The following HSBP1L1 variants were observed in gnomAD, a reference collection of about 807,000 sequenced individuals.
The protein encoded by HSBP1L1 is heat shock factor-binding protein 1-like protein 1.
A neutral mutation model predicts 9.7 loss-of-function variants in HSBP1L1; 8 were observed. The ratio of observed to expected loss-of-function variants is 0.82; its 90% CI spans 0.48 to 1.48. The LOEUF (loss-of-function observed/expected upper bound fraction) is 1.48, where lower values mean the gene tolerates loss of function less well. Among genes scored for constraint, HSBP1L1 ranks in the 40% most tolerant of loss-of-function variants. The pLI is 0.00. For synonymous variants in HSBP1L1, 39 were observed against 34.4 expected (o/e 1.13, Z -0.46); for missense variants, 106 against 95.8 (o/e 1.11, Z -0.44).
chr18:79,970,096 G>A lies in HSBP1L1; in HGVS notation c.214-344G>A, dbSNP rs2051287218. 2.5e-5 allele frequency: 6 copies of A among 239,798 alleles called. No homozygotes were observed. In the South Asian group the frequency reaches 4.1e-4, roughly 17 times the overall value. 14.9% of individuals were successfully genotyped at this position (239,798 alleles called of 1,614,324 possible). On this transcript the variant is annotated intron_variant, in intron 3 of 3. Coordinates refer to ENST00000451882, the MANE Select transcript of HSBP1L1 (RefSeq NM_001136180.2). ...ATTAAAGCACCACAGTGCCACAGAC[G>A]AGGCAAGGCTTGGCAGCCATGCAGG...
intron 2 of HSBP1L1, chr18:79,967,016 CG>C (rs954015106): frequency 5.5e-6 from 1 of 180,216 alleles, no homozygotes; most frequent in African/African-American, 2.4e-5. Flanking sequence ...GGCATGGTGG[CG>C]GGCGCCTGTA....
rs1222017767 is a variant in HSBP1L1, at chr18:79,970,587, C to G, written c.*136C>G. 2.0e-6 allele frequency: 1 copy of G among 511,338 alleles called. No individual in the cohort carries two copies. The highest frequency in any genetic ancestry group is 1.8e-5 in the South Asian group (1 of 55,480). The allele number at this position is 511,338 out of a possible 1,614,324, so 31.7% of individuals were successfully genotyped here. A position where few individuals can be genotyped will look rare whatever the true frequency, so the allele number is the denominator to read the frequency against. ...GCAAGGGGCTCGCCTGCTCTCCCCT[C>G]CGTGCCTGCACCAGAGAAGGAGGCC... On this transcript the variant is annotated 3_prime_UTR_variant, in exon 4 of 4. Coordinates refer to ENST00000451882, the MANE Select transcript of HSBP1L1 (RefSeq NM_001136180.2).
At position 79,965,441 on chromosome 18, in the gene HSBP1L1, G is replaced by C. The variant is rs559529451; in HGVS notation, c.51+655G>C. Among the ~76,000 whole-genome samples the C allele has an allele frequency of 2.0e-5, 3 of 152,272 alleles. No individual in the cohort carries two copies. In the South Asian group the frequency reaches 6.2e-4, roughly 32 times the overall value. ...ATTCTAGATTCACACCATGGTACGTGGGGCTCCCTGGGATCTTGAACCCCC... is the reference window on the plus strand; with the variant it reads ...ATTCTAGATTCACACCATGGTACGTCGGGCTCCCTGGGATCTTGAACCCCC... On this transcript the variant is annotated intron_variant, in intron 1 of 3. Transcript: ENST00000451882.
chr18:79,964,758 C>T lies in HSBP1L1; in HGVS notation c.23C>T (p.Ala8Val). 2 of 1,412,744 alleles carry T rather than the reference C, an allele frequency of 1.4e-6. No individual in the cohort carries two copies. Among genetic ancestry groups the T allele is most frequent in the Non-Finnish European group, 1.8e-6 (2 of 1,084,562 alleles). The allele number at this position is 1,412,744 out of a possible 1,614,324, so 87.5% of individuals were successfully genotyped here. The change falls in exon 1 of 4, where the codon GCC (alanine) becomes GTC (valine). Residue 8 changes from alanine to valine, a missense_variant. Coordinates refer to ENST00000451882, the MANE Select transcript of HSBP1L1 (RefSeq NM_001136180.2). MDVRGPE[A>V]PGGRALRDAA... ...CACATGGACGTGCGGGGCCCTGAAG[C>T]CCCCGGCGGGCGCGCGCTGCGGGAC...
At chr18:79,964,821 TGGGGGCGCCCCTGCGGTTCTG>T in intron 1 of HSBP1L1, 35 bp downstream of exon 1, 1 of 820,254 alleles carries the variant, frequency 1.2e-6, no homozygotes, top group Non-Finnish European at 1.5e-6. Flanking sequence ...TCTCTCTGGA[TGGGGGCGCCCCTGCGGTTCTG>T]GGGGGTTTTG....
rs1197912444 is a variant in HSBP1L1, at chr18:79,966,596, C to G, written c.52-16C>G. 7.2e-6 allele frequency: 11 copies of G among 1,532,524 alleles called. No individual in the cohort carries two copies. Among genetic ancestry groups the G allele is most frequent in the Non-Finnish European group, 7.1e-6 (8 of 1,131,366 alleles). 94.9% of individuals were successfully genotyped at this position (1,532,524 alleles called of 1,614,324 possible). A position where few individuals can be genotyped will look rare whatever the true frequency, so the allele number is the denominator to read the frequency against. Reference sequence around the variant, plus strand: ...AGTAAATATTTATTCAATTGTCTTACGGTTTATTTTTTCAGGCAGAAAATC... The same window carrying G: ...AGTAAATATTTATTCAATTGTCTTAGGGTTTATTTTTTCAGGCAGAAAATC... On this transcript the variant is annotated splice_polypyrimidine_tract_variant and intron_variant, in intron 1 of 3. Transcript: ENST00000451882.
At chr18:79,969,503 C>T (rs1373507094) in intron 3 of HSBP1L1, among the ~76,000 whole-genome samples, 1 of 152,110 alleles carries the variant, frequency 6.6e-6, no homozygotes, top group South Asian at 2.1e-4. Context: ...GCTGGTGAGC[C>T]GTGAATTCAC....
Position 79,969,095 on chromosome 18 carries a change from G to A in HSBP1L1, c.213+912G>A, listed in dbSNP as rs531719404. 2.2e-3 allele frequency among the ~76,000 whole-genome samples: 336 copies of A among 150,310 alleles called. 2 individuals are homozygous for A. Among genetic ancestry groups the A allele is most frequent in the Non-Finnish European group, 4.0e-3 (270 of 67,608 alleles). On this transcript the variant is annotated intron_variant, in intron 3 of 3. Coordinates refer to ENST00000451882, the MANE Select transcript of HSBP1L1 (RefSeq NM_001136180.2). ...TCCCAGCTACTTGGGAGGCTGAGGC[G>A]GGAGAATGCCGTGAACCCGGGAGGC...
At chr18:79,970,381 A>C (rs2051289017) in intron 3 of HSBP1L1, 59 bp from the exon 4 acceptor site, 2 of 718,294 alleles carry the variant, frequency 2.8e-6, no homozygotes, top group South Asian at 3.0e-5. Context: ...ATCAGGGGTG[A>C]ACATACTTAA....
intron 3 of HSBP1L1, among the ~76,000 whole-genome samples, chr18:79,969,239 AGAGAG>A (rs1302392438): frequency 1.9e-5 from 2 of 105,966 alleles, no homozygotes; most frequent in African/African-American, 7.0e-5. Context: ...GAGAGAGGAG[AGAGAG>A]GAGAGGAGAG....
intron 2 of HSBP1L1, 169 bp downstream of exon 2, chr18:79,966,847 A>G: frequency 1.7e-6 from 1 of 572,566 alleles, no homozygotes; most frequent in South Asian, 2.1e-5. Flanking sequence ...CCCCTCACCT[A>G]TAGCAAAAGC....
chr18:79,970,369 A>T, intron 3 of HSBP1L1, 71 bp from the exon 4 acceptor site: 1 of 717,662 alleles, frequency 1.4e-6, no homozygotes, highest in Non-Finnish European at 2.6e-6. Flanking sequence ...AACGTTATTA[A>T]AATCAGGGGT....
At chr18:79,970,378 G>A (rs2051288972) in intron 3 of HSBP1L1, 62 bp from the exon 4 acceptor site, 1 of 718,078 alleles carries the variant, frequency 1.4e-6, no homozygotes. Flanking sequence ...AAAATCAGGG[G>A]TGAACATACT....
rs2051292699 is a variant in HSBP1L1 at position 79,970,751 on chromosome 18, C to T, written c.*300C>T. ...ATCTGAAGTATTTTGTTATGGCAGT[C>T]CTGGGCAGACTAATACAATATGCAA... is the stretch of plus-strand genomic sequence containing the variant. On this transcript the variant is annotated 3_prime_UTR_variant, in exon 4 of 4. Transcript: ENST00000451882. 7.6e-6 allele frequency: 3 copies of T among 393,282 alleles called. No homozygotes were observed. Among genetic ancestry groups the T allele is most frequent in the African/African-American group, 3.9e-5 (2 of 50,658 alleles). 24.4% of individuals were successfully genotyped at this position (393,282 alleles called of 1,614,324 possible).
intron 3 of HSBP1L1, among the ~76,000 whole-genome samples, chr18:79,969,351 G>GA (rs369080047): frequency 0.1 from 4,622 of 46,446 alleles, 469 homozygotes; most frequent in East Asian, 0.32. Context: ...AAGAAAGAAA[G>GA]AAAGAAAGAA....
chr18:79,964,703 A>G lies in HSBP1L1; in HGVS notation c.-33A>G. 7.6e-7 allele frequency: 1 copy of G among 1,322,700 alleles called. No homozygotes were observed. Among genetic ancestry groups the G allele is most frequent in the Admixed American group, 3.0e-5 (1 of 33,304 alleles). 81.9% of individuals were successfully genotyped at this position (1,322,700 alleles called of 1,614,324 possible). On this transcript the variant is annotated 5_prime_UTR_variant, in exon 1 of 4. Coordinates refer to ENST00000451882, the MANE Select transcript of HSBP1L1 (RefSeq NM_001136180.2). ...GCGCCGGGTCCGCGCGGCCCACGGG[A>G]CCCCCCACTGACGCCCCCGGCCAGC...
At chr18:79,966,944 G>T (rs9962647) in intron 2 of HSBP1L1, 32 of 322,250 alleles carry the variant, frequency 9.9e-5, no homozygotes, top group Admixed American at 2.8e-4. Context: ...GTCAGGAGAT[G>T]GAGACCATCC....
chr18:79,965,187 C>G (rs747074545), intron 1 of HSBP1L1, among the ~76,000 whole-genome samples: 13 of 152,144 alleles, frequency 8.5e-5, no homozygotes, highest in Admixed American at 2.0e-4. Flanking sequence ...AGGGGACCCA[C>G]GAGTGTCGCA....
At chr18:79,966,817 G>A in intron 2 of HSBP1L1, 139 bp downstream of exon 2, 1 of 663,706 alleles carries the variant, frequency 1.5e-6, no homozygotes, top group South Asian at 1.9e-5. Context: ...CTTTTATGTG[G>A]CTTCCTGATG....
Sources: gnomAD v4.1 joint callset for allele counts (sites outside exome capture counted in the v4.1 genomes callset) on GRCh38, gnomAD v4.1.1 for gene constraint, MANE v1.5 for transcripts, NCBI Gene and HGNC (gene_info 2026-07-23, HGNC 2026-07-21) for gene names.